The following USP6NL variants were observed in gnomAD, a reference collection of about 807,000 sequenced individuals.
USP6NL encodes the protein USP6 N-terminal like.
A neutral mutation model predicts 61.9 loss-of-function variants in USP6NL; 26 were observed. The observed-to-expected ratio is 0.42, with a 90% confidence interval of 0.31 to 0.58. The LOEUF is 0.58. Among genes scored for constraint, USP6NL ranks in the 20% least tolerant of loss-of-function variants. USP6NL has a pLI of 0.16. For missense variants in USP6NL, 1,114 were observed against 1,034.3 expected, an observed-to-expected ratio of 1.08 and a Z score of -1.06; for synonymous variants, 432 against 390.1, an observed-to-expected ratio of 1.11 and a Z score of -1.27.
intron 2 of USP6NL, among the ~76,000 whole-genome samples, chr10:11,580,242 G>T (rs1371605763): frequency 6.6e-6 from 1 of 151,518 alleles, no homozygotes. Context: ...TAAAGATTTG[G>T]GTATATCAAT....
At position 11,602,895 on chromosome 10, in the gene USP6NL, G is replaced by A. The variant is rs1046124086; in HGVS notation, c.-83-5178C>T. 6.6e-6 allele frequency among the ~76,000 whole-genome samples: 1 copy of A among 152,166 alleles called. No individual in the cohort carries two copies. The highest frequency in any genetic ancestry group is 2.4e-5 in the African/African-American group (1 of 41,442). ...ATATTAAAGTCATTATTCACTAACA[G>A]AGAAAGTCTCAACACTGTACTTTCA... On this transcript the variant is annotated intron_variant, in intron 1 of 14. Coordinates refer to ENST00000609104, the MANE Select transcript of USP6NL (RefSeq NM_014688.5). The surrounding 1 kb of genome is among the most constrained non-coding windows in gnomAD (Gnocchi z 4.8).
chr10:11,501,423 A>G (rs971751001), intron 6 of USP6NL, among the ~76,000 whole-genome samples: 7 of 152,246 alleles, frequency 4.6e-5, no homozygotes, highest in African/African-American at 1.7e-4. Context: ...GTATAACAAG[A>G]AATTGTTAAG....
Position 11,532,120 on chromosome 10 carries a change from A to T in USP6NL, c.5-4553T>A. 8.0e-7 allele frequency: 1 copy of T among 1,245,786 alleles called. No homozygotes were observed. The highest frequency in any genetic ancestry group is 1.1e-6 in the Non-Finnish European group (1 of 891,216). The allele number at this position is 1,245,786 out of a possible 1,614,324, so 77.2% of individuals were successfully genotyped here. ...TACAGCAGACCATTTTTCCTAGAGTACATTTTGACAGATGAACGTTAAAAA... is the reference window on the plus strand; with the variant it reads ...TACAGCAGACCATTTTTCCTAGAGTTCATTTTGACAGATGAACGTTAAAAA... On this transcript the variant is annotated intron_variant, in intron 2 of 14. Coordinates refer to ENST00000609104, the MANE Select transcript of USP6NL (RefSeq NM_014688.5). The surrounding 1 kb of genome is among the most constrained non-coding windows in gnomAD (Gnocchi z 4.1).
chr10:11,516,606 T>C (rs1834967495), intron 5 of USP6NL, among the ~76,000 whole-genome samples: 1 of 152,134 alleles, frequency 6.6e-6, no homozygotes, highest in Non-Finnish European at 1.5e-5. Flanking sequence ...AGGCAAGTCA[T>C]GCAATATGAG....
intron 7 of USP6NL, 94 bp from the exon 8 acceptor site, chr10:11,493,322 G>C: frequency 8.9e-7 from 1 of 1,125,914 alleles, no homozygotes; most frequent in Non-Finnish European, 1.2e-6. Flanking sequence ...AAAGTTTTTG[G>C]TTTAAAAAAA....
intron 2 of USP6NL, among the ~76,000 whole-genome samples, chr10:11,539,696 T>C (rs1448220629): frequency 4.6e-5 from 7 of 152,252 alleles, no homozygotes; most frequent in African/African-American, 1.7e-4. Context: ...GTCAAGATTA[T>C]ATTTTAGCTG....
chr10:11,547,229 A>C lies in USP6NL; in HGVS notation c.5-19662T>G, dbSNP rs1836301990. On this transcript the variant is annotated intron_variant, in intron 2 of 14. Coordinates refer to ENST00000609104, the MANE Select transcript of USP6NL (RefSeq NM_014688.5). ...ACAGGGGCTCAATGTCCACTAAGTC[A>C]GGCACTGTTTGGAGCAGGTTGGAGT... Among the ~76,000 whole-genome samples, 3 of 152,364 alleles carry C rather than the reference A, an allele frequency of 2.0e-5. No homozygotes were observed. The South Asian group carries it at 6.2e-4, about 32-fold the overall frequency.
In USP6NL at chr10:11,460,902, C is replaced by T. The variant is rs2096212048; in HGVS notation, c.*1539G>A. 6.6e-6 allele frequency: 1 copy of T among 152,206 alleles called. No individual in the cohort carries two copies. Among genetic ancestry groups the T allele is most frequent in the Non-Finnish European group, 1.5e-5 (1 of 68,010 alleles). The allele number at this position is 152,206 out of a possible 1,614,324, so 9.4% of individuals were successfully genotyped here. ...TTCAATGTAGTGTTTAGCTTTAATA[C>T]ACTGCACTTGTTTTGCTATTTAATA... On this transcript the variant is annotated 3_prime_UTR_variant, in exon 15 of 15. Transcript: ENST00000609104.
At chr10:11,573,537 C>T in intron 2 of USP6NL, 1 of 398,334 alleles carries the variant, frequency 2.5e-6, no homozygotes, top group African/African-American at 2.1e-5. Context: ...TATAGCACAT[C>T]CTTGGGTCCA....
At chr10:11,576,885 T>A (rs1837565739) in intron 2 of USP6NL, among the ~76,000 whole-genome samples, 1 of 152,170 alleles carries the variant, frequency 6.6e-6, no homozygotes, top group Non-Finnish European at 1.5e-5. Flanking sequence ...CCTAATAAGT[T>A]CCCTGGTAAG....
At chr10:11,594,226 G>A (rs1237726632) in intron 2 of USP6NL, among the ~76,000 whole-genome samples, 1 of 152,048 alleles carries the variant, frequency 6.6e-6, no homozygotes, top group Non-Finnish European at 1.5e-5. Flanking sequence ...TGGTACAGTA[G>A]TCTACTAAGG....
At chr10:11,583,177 G>A (rs1363582096) in intron 2 of USP6NL, among the ~76,000 whole-genome samples, 1 of 146,136 alleles carries the variant, frequency 6.8e-6, no homozygotes. Context: ...ATATTATTAT[G>A]TTTTCAATTT....
rs746267882 is a variant in USP6NL, at chr10:11,553,024, A to T, written c.5-25457T>A. Among the ~76,000 whole-genome samples the T allele has an allele frequency of 6.6e-6, 1 of 152,012 alleles. No homozygotes were observed. Among genetic ancestry groups the T allele is most frequent in the Non-Finnish European group, 1.5e-5 (1 of 68,024 alleles). On this transcript the variant is annotated intron_variant, in intron 2 of 14. Transcript: ENST00000609104. This position sits in a 1 kb window ranked among gnomAD's most constrained non-coding sequence, Gnocchi z 4.8. The stretch of plus-strand genomic sequence containing the variant: ...AATGTGTGTTCCTCTCTCTATGACT[A>T]TGTGTACCCATTGTTTCGCTCCTAC...
In USP6NL at chr10:11,495,363, AT is replaced by A. The variant is rs529533194; in HGVS notation, c.385-2136del. ...TCTGGTATAACTATTCTTGTTTTATATTTTATTATACTGGAACAGCTCGTGT... is the reference window on the plus strand; with the variant it reads ...TCTGGTATAACTATTCTTGTTTTATATTTATTATACTGGAACAGCTCGTGT... On this transcript the variant is annotated intron_variant, in intron 7 of 14. Transcript: ENST00000609104. The surrounding 1 kb of genome is among the most constrained non-coding windows in gnomAD (Gnocchi z 4.6). 1.2e-4 allele frequency among the ~76,000 whole-genome samples: 19 copies of A among 152,292 alleles called. No individual in the cohort carries two copies. In the East Asian group the frequency reaches 3.5e-3, roughly 28 times the overall value.
intron 14 of USP6NL, among the ~76,000 whole-genome samples, chr10:11,475,596 C>CAAAAAAAAAAAAAAAAAAAAAAAAAAAA (rs35589300): frequency 2.6e-5 from 1 of 38,724 alleles, no homozygotes; most frequent in Non-Finnish European, 4.7e-5. Context: ...AACTCTGTCG[C>CAAAAAAAAAAAAAAAAAAAAAAAAAAAA]AAAAAAAAAA....
intron 2 of USP6NL, among the ~76,000 whole-genome samples, chr10:11,577,928 A>G (rs1286850223): frequency 6.6e-6 from 1 of 151,880 alleles, no homozygotes; most frequent in Non-Finnish European, 1.5e-5. Flanking sequence ...ACCTAATAAA[A>G]GAAAAAAAAA....
chr10:11,520,981 A>G lies in USP6NL; in HGVS notation c.156-2407T>C, dbSNP rs186288937. Among the ~76,000 whole-genome samples, 489 of 152,332 alleles carry G rather than the reference A, an allele frequency of 3.2e-3. 1 individual carries two copies. Among genetic ancestry groups the G allele is most frequent in the Non-Finnish European group, 5.7e-3 (391 of 68,030 alleles). ...ATATCTCACAGAAATACAGTAAGGG[A>G]AAACCATAAGACAGCCATCTCTGGA... On this transcript the variant is annotated intron_variant, in intron 4 of 14. Transcript: ENST00000609104. This position sits in a 1 kb window ranked among gnomAD's most constrained non-coding sequence, Gnocchi z 5.2.
rs745864161 is a variant in USP6NL at position 11,518,620 on chromosome 10, A to C, written c.156-46T>G. On this transcript the variant is annotated intron_variant, in intron 4 of 14. Transcript: ENST00000609104. This position sits in a 1 kb window ranked among gnomAD's most constrained non-coding sequence, Gnocchi z 5.3. ...TATATGAAATTGTTGAAATCAAAAC[A>C]AACTTTTAAAAGCTTATATACTTAT... 1 of 1,476,642 alleles carries C rather than the reference A, an allele frequency of 6.8e-7. No homozygotes were observed. Among genetic ancestry groups the C allele is most frequent in the South Asian group, 1.2e-5 (1 of 84,790 alleles). 91.5% of individuals were successfully genotyped at this position (1,476,642 alleles called of 1,614,324 possible). A position where few individuals can be genotyped will look rare whatever the true frequency, so the allele number is the denominator to read the frequency against.
chr10:11,498,032 T>C (rs1834015262), intron 7 of USP6NL, among the ~76,000 whole-genome samples: 1 of 146,978 alleles, frequency 6.8e-6, no homozygotes, highest in South Asian at 2.2e-4. Flanking sequence ...GGTCAGGGAG[T>C]TCAAGACTAG....
Sources: gnomAD v4.1 joint callset for allele counts (sites outside exome capture counted in the v4.1 genomes callset) on GRCh38, gnomAD v4.1.1 for gene constraint, Gnocchi (gnomAD v3.1) non-coding constraint, MANE v1.5 for transcripts, NCBI Gene and HGNC (gene_info 2026-07-23, HGNC 2026-07-21) for gene names.